Variants in PTPRM observed in about 807,000 individuals in gnomAD.
The protein encoded by PTPRM is receptor-type tyrosine-protein phosphatase mu.
In PTPRM, 47 loss-of-function variants were observed where a neutral mutation model predicts 186.7. The ratio of observed to expected loss-of-function variants is 0.25; its 90% CI spans 0.20 to 0.32. The LOEUF (loss-of-function observed/expected upper bound fraction) is 0.32. Ranked by LOEUF, PTPRM falls within the 10% of genes least tolerant of loss-of-function variation. The pLI is 1.00. For synonymous variants in PTPRM, 668 were observed against 674.9 expected, an observed-to-expected ratio of 0.99 and a Z score of 0.16; for missense variants, 1,494 against 1,865.0, an observed-to-expected ratio of 0.80 and a Z score of 3.66.
chr18:8,187,266 G>A (rs946043879), intron 14 of PTPRM, among the ~76,000 whole-genome samples: 10 of 152,136 alleles, frequency 6.6e-5, no homozygotes, highest in Middle Eastern at 3.2e-3. Flanking sequence ...AGCTACAAGC[G>A]AAAAGGAGTT....
intron 2 of PTPRM, among the ~76,000 whole-genome samples, chr18:7,825,052 C>T (rs147654623): frequency 1.3e-5 from 2 of 152,288 alleles, no homozygotes; most frequent in East Asian, 1.9e-4. Flanking sequence ...AGGCTTGCTG[C>T]GTTTCATGTG....
Position 8,314,855 on chromosome 18 carries a change from G to T in PTPRM, c.2917G>T (p.Asp973Tyr). 1 of 1,575,590 alleles carries T rather than the reference G, an allele frequency of 6.3e-7. No individual in the cohort carries two copies. Among genetic ancestry groups the T allele is most frequent in the Non-Finnish European group, 8.7e-7 (1 of 1,147,958 alleles). The part of the protein sequence containing the change: ...NSDYINGNYI[D>Y]GYHRPNHYIA... Reference sequence around the variant, plus strand: ...AGACTATATCAATGGCAATTATATCGATGTATGTATTTTATTATTTTTAAT... The same window carrying T: ...AGACTATATCAATGGCAATTATATCTATGTATGTATTTTATTATTTTTAAT... Residue 973 changes from aspartate (D) to tyrosine (Y), a missense_variant and splice_region_variant, in exon 21 of 33, where the codon GAT becomes TAT. Physicochemically the swap from Asp to Tyr is radical, Grantham distance 160. Coordinates refer to ENST00000580170, the MANE Select transcript of PTPRM (RefSeq NM_001105244.2).
intron 14 of PTPRM, among the ~76,000 whole-genome samples, chr18:8,240,421 G>A (rs1293855797): frequency 7.4e-6 from 1 of 135,028 alleles, no homozygotes. Context: ...GGGTGACAGA[G>A]CAAGACTCTG....
intron 3 of PTPRM, among the ~76,000 whole-genome samples, chr18:7,890,394 A>G (rs974343405): frequency 1.3e-5 from 2 of 152,022 alleles, no homozygotes; most frequent in African/African-American, 2.4e-5. Context: ...AGATCCATCA[A>G]CCCCAATTTC....
intron 1 of PTPRM, among the ~76,000 whole-genome samples, chr18:7,728,373 A>G (rs2040590018): frequency 6.6e-6 from 1 of 152,192 alleles, no homozygotes; most frequent in South Asian, 2.1e-4. Flanking sequence ...CTCTCAGCAA[A>G]GAAAAGGGTC....
chr18:8,097,122 TTTA>T (rs2091051529), intron 11 of PTPRM, among the ~76,000 whole-genome samples: 1 of 152,196 alleles, frequency 6.6e-6, no homozygotes, highest in Admixed American at 6.5e-5. Flanking sequence ...AATGTAACTA[TTTA>T]TTATAAGAAC....
In PTPRM at chr18:7,711,270, A is replaced by C. The variant is rs962169968; in HGVS notation, c.74-62879A>C. ...CCCTAGCCAAGGGAAGCCATGAGGG[A>C]CTGTGCCGTGAGGGACGGTGCACTC... On this transcript the variant is annotated intron_variant, in intron 1 of 32. Coordinates refer to ENST00000580170, the MANE Select transcript of PTPRM (RefSeq NM_001105244.2). 9.9e-5 allele frequency among the ~76,000 whole-genome samples: 15 copies of C among 152,214 alleles called. No homozygotes were observed. In the South Asian group the frequency reaches 3.1e-3, roughly 32 times the overall value.
At chr18:7,772,712 A>G (rs1391724648) in intron 1 of PTPRM, among the ~76,000 whole-genome samples, 2 of 151,924 alleles carry the variant, frequency 1.3e-5, no homozygotes, top group East Asian at 3.9e-4. Context: ...GGACCAGGTG[A>G]CCTCTAACAT....
chr18:8,393,462 A>C (rs1214222153), intron 31 of PTPRM, among the ~76,000 whole-genome samples: 1 of 152,238 alleles, frequency 6.6e-6, no homozygotes, highest in Non-Finnish European at 1.5e-5. Context: ...CAGGAAATAC[A>C]AGGAAAGACT....
chr18:7,593,664 C>G (rs1044977576), intron 1 of PTPRM, among the ~76,000 whole-genome samples: 157 of 152,326 alleles, frequency 1.0e-3, no homozygotes, highest in African/African-American at 3.6e-3. Flanking sequence ...TTAGCAATCA[C>G]TTACGTCCAC....
chr18:8,271,071 T>G (rs1306605284), intron 19 of PTPRM, among the ~76,000 whole-genome samples: 1 of 152,170 alleles, frequency 6.6e-6, no homozygotes, highest in Non-Finnish European at 1.5e-5. Context: ...ACTGTGGTAA[T>G]CATTTCACAA....
intron 2 of PTPRM, among the ~76,000 whole-genome samples, chr18:7,825,514 A>AG (rs1222597972): frequency 3.9e-5 from 6 of 152,056 alleles, no homozygotes; most frequent in Admixed American, 3.9e-4. Context: ...TGAGGGATGG[A>AG]GGATAGGTAT....
intron 7 of PTPRM, among the ~76,000 whole-genome samples, chr18:7,993,380 A>T (rs2083364595): frequency 6.6e-6 from 1 of 152,080 alleles, no homozygotes; most frequent in South Asian, 2.1e-4. Flanking sequence ...AGGCTTAAAG[A>T]CTTCTGAATA....
At chr18:8,256,981 G>A (rs1601508554) in intron 19 of PTPRM, among the ~76,000 whole-genome samples, 2 of 152,178 alleles carry the variant, frequency 1.3e-5, no homozygotes, top group African/African-American at 2.4e-5. Flanking sequence ...TGTACATGGC[G>A]CCAGGGATAC....
intron 7 of PTPRM, among the ~76,000 whole-genome samples, chr18:8,055,792 A>G (rs1288867038): frequency 6.6e-6 from 1 of 152,198 alleles, no homozygotes; most frequent in East Asian, 1.9e-4. Flanking sequence ...GTTTGCTGGA[A>G]TCAGGAGATG....
In PTPRM at chr18:7,674,840, G is replaced by A. The variant is rs143150770; in HGVS notation, c.74-99309G>A. Among the ~76,000 whole-genome samples, 45 of 152,270 alleles carry A rather than the reference G, an allele frequency of 3.0e-4. 1 individual carries two copies. Among genetic ancestry groups the A allele is most frequent in the African/African-American group, 9.6e-4 (40 of 41,552 alleles). The stretch of plus-strand genomic sequence containing the variant: ...GCTCTGCCTTGGTAGGCTCTTAATC[G>A]TATTTCTGTAGTTACATAGAAATGA... On this transcript the variant is annotated intron_variant, in intron 1 of 32. Coordinates refer to ENST00000580170, the MANE Select transcript of PTPRM (RefSeq NM_001105244.2).
intron 1 of PTPRM, chr18:7,749,060 T>A (rs1429950034): frequency 6.6e-6 from 1 of 152,242 alleles, no homozygotes; most frequent in Non-Finnish European, 1.5e-5. Context: ...TTCACTTACC[T>A]GTGACATGTT....
At chr18:8,010,210 A>G (rs886563558) in intron 7 of PTPRM, among the ~76,000 whole-genome samples, 3 of 152,182 alleles carry the variant, frequency 2.0e-5, no homozygotes, top group African/African-American at 7.2e-5. Context: ...TTTATAAGAC[A>G]ACTCCTTGTT....
intron 1 of PTPRM, among the ~76,000 whole-genome samples, chr18:7,569,228 C>T (rs765707803): frequency 3.4e-4 from 51 of 152,190 alleles, no homozygotes; most frequent in Admixed American, 6.5e-4. Context: ...TCTGGACTCA[C>T]AGGCACATTA....
Sources: gnomAD v4.1 joint callset for allele counts (sites outside exome capture counted in the v4.1 genomes callset) on GRCh38, gnomAD v4.1.1 for gene constraint, MANE v1.5 for transcripts, NCBI Gene and HGNC (gene_info 2026-07-23, HGNC 2026-07-21) for gene names.